Variants in MEP1A observed in about 807,000 individuals in gnomAD.
MEP1A encodes the protein N-benzoyl-L-tyrosyl-P-amino-benzoic acid hydrolase subunit alpha.
MEP1A carries 68 observed loss-of-function variants against 84.5 expected under a neutral mutation model. That is an observed-to-expected ratio of 0.80 (90% CI 0.66 to 0.98). MEP1A has a LOEUF of 0.98. Ranked by LOEUF, MEP1A falls within the 50% of genes least tolerant of loss-of-function variation. MEP1A has a pLI of 0.00. For missense variants in MEP1A, 887 were observed against 919.9 expected (o/e 0.96, Z 0.46); for synonymous variants, 337 against 336.8 (o/e 1.00, Z -0.01).
intron 6 of MEP1A, among the ~76,000 whole-genome samples, chr6:46,816,438 G>C (rs1448094240): frequency 6.6e-6 from 1 of 152,084 alleles, no homozygotes; most frequent in Non-Finnish European, 1.5e-5. Context: ...CTGGGTTGCA[G>C]CAGGGCAAGA....
chr6:46,819,016 G>T (rs1767704583), intron 6 of MEP1A, among the ~76,000 whole-genome samples: 1 of 151,018 alleles, frequency 6.6e-6, no homozygotes, highest in Non-Finnish European at 1.5e-5. Context: ...CTCTCAGGAG[G>T]CTGAGGTGGG....
intron 6 of MEP1A, among the ~76,000 whole-genome samples, chr6:46,811,572 A>G (rs1767499168): frequency 6.6e-6 from 1 of 152,028 alleles, no homozygotes; most frequent in Non-Finnish European, 1.5e-5. Flanking sequence ...AAATGCTTTC[A>G]ACTTTTTATC....
intron 3 of MEP1A, among the ~76,000 whole-genome samples, chr6:46,796,407 C>T (rs1051378677): frequency 1.3e-5 from 2 of 151,940 alleles, no homozygotes; most frequent in Non-Finnish European, 2.9e-5. Context: ...TGCCTGACCA[C>T]TCTTTAATAA....
At chr6:46,838,382 G>C (rs1465196940) in intron 13 of MEP1A, among the ~76,000 whole-genome samples, 7 of 152,142 alleles carry the variant, frequency 4.6e-5, no homozygotes, top group African/African-American at 1.7e-4. Flanking sequence ...AAAACTAAGG[G>C]CTGGCCATTA....
At chr6:46,837,895 A>ATT (rs111794847) in intron 13 of MEP1A, among the ~76,000 whole-genome samples, 34 of 143,644 alleles carry the variant, frequency 2.4e-4, no homozygotes, top group African/African-American at 5.3e-4. Flanking sequence ...CTGACTTCTT[A>ATT]TTTTTTTTTT....
At chr6:46,807,827 GAAA>G (rs1562107135) in intron 5 of MEP1A, among the ~76,000 whole-genome samples, 42 of 150,078 alleles carry the variant, frequency 2.8e-4, no homozygotes, top group African/African-American at 7.0e-4. Context: ...AAGAAAGAAA[GAAA>G]GAAAGAAAGG....
intron 10 of MEP1A, among the ~76,000 whole-genome samples, chr6:46,831,618 G>A (rs1319898486): frequency 6.6e-6 from 1 of 152,116 alleles, no homozygotes; most frequent in Non-Finnish European, 1.5e-5. Flanking sequence ...CCTTCCCAGT[G>A]CCAGATTCCC....
chr6:46,835,368 T>G lies in MEP1A; in HGVS notation c.1903T>G (p.Leu635Val), dbSNP rs1768193677. The change falls in exon 13 of 14, where the codon TTA becomes GTA. Residue 635 changes from leucine to valine, a missense_variant. Physicochemically the swap from Leu to Val is conservative, Grantham distance 32 (BLOSUM62 1). Coordinates refer to ENST00000230588, the MANE Select transcript of MEP1A (RefSeq NM_005588.3). ...CGAAGAAGGTTCGGGAAAGGCCATGTTAGAGGAAGCCCTACCTGTCAGCCT... is the reference window on the plus strand; with the variant it reads ...CGAAGAAGGTTCGGGAAAGGCCATGGTAGAGGAAGCCCTACCTGTCAGCCT... ...VSEEGSGKAM[L>V]EEALPVSLSQ... The G allele has an allele frequency of 6.2e-7, 1 of 1,611,812 alleles. No homozygotes were observed. Among genetic ancestry groups the G allele is most frequent in the Non-Finnish European group, 8.5e-7 (1 of 1,179,060 alleles).
rs1198868870 is a variant in MEP1A, at chr6:46,807,576, G to A, written c.263-1844G>A. Among the ~76,000 whole-genome samples the A allele has an allele frequency of 1.9e-3, 122 of 64,602 alleles. 2 individuals are homozygous for A. The highest frequency in any genetic ancestry group is 9.1e-3 in the African/African-American group (121 of 13,324). The allele number at this position is 64,602 out of a possible 152,430, so 42.4% of individuals were successfully genotyped here. On this transcript the variant is annotated intron_variant, in intron 5 of 13. Coordinates refer to ENST00000230588, the MANE Select transcript of MEP1A (RefSeq NM_005588.3). ...AGAAAGAAAGAAAGAAAGGAAGGAA[G>A]GAAGGAAGGAAGGAAGGAAGGAAGG...
At chr6:46,837,979 C>T (rs1362596491) in intron 13 of MEP1A, among the ~76,000 whole-genome samples, 1 of 151,632 alleles carries the variant, frequency 6.6e-6, no homozygotes, top group Non-Finnish European at 1.5e-5. Context: ...GCAACTTCCA[C>T]CCCCCGGGTT....
downstream of MEP1A, among the ~76,000 whole-genome samples, chr6:46,841,406 C>G (rs115061360): frequency 0.01 from 1,540 of 152,206 alleles, 30 homozygotes; most frequent in African/African-American, 0.035. Flanking sequence ...TCTTTGAGCC[C>G]AAACCCTCAA....
intron 5 of MEP1A, among the ~76,000 whole-genome samples, chr6:46,806,950 C>G (rs970401135): frequency 6.6e-6 from 1 of 151,858 alleles, no homozygotes; most frequent in African/African-American, 2.4e-5. Flanking sequence ...CAGTTTCTGC[C>G]TGTTTTAGCC....
At chr6:46,800,116 T>C (rs898172927) in intron 5 of MEP1A, among the ~76,000 whole-genome samples, 1 of 152,226 alleles carries the variant, frequency 6.6e-6, no homozygotes, top group African/African-American at 2.4e-5. Context: ...TTCTCCAGTG[T>C]TTGCCTTGCA....
At chr6:46,845,821 T>C in the MEP1A span, among the ~76,000 whole-genome samples, 1 of 152,222 alleles carries the variant, frequency 6.6e-6, no homozygotes, top group Middle Eastern at 3.2e-3. Context: ...TCCCATTATA[T>C]GGTAAGTGCC....
intron 5 of MEP1A, among the ~76,000 whole-genome samples, chr6:46,803,005 T>C (rs1254432915): frequency 6.6e-6 from 1 of 151,742 alleles, no homozygotes; most frequent in Non-Finnish European, 1.5e-5. Context: ...TAGGCTTTAG[T>C]AATAAAGTTA....
rs771765128 is a variant in MEP1A at position 46,819,606 on chromosome 6, T to A, written c.458T>A (p.Ile153Lys). 5 of 1,614,150 alleles carry A rather than the reference T, an allele frequency of 3.1e-6. No homozygotes were observed. Among genetic ancestry groups the A allele is most frequent in the Non-Finnish European group, 4.2e-6 (5 of 1,179,992 alleles). The change falls in exon 7 of 14, where the codon ATA becomes AAA. Residue 153 changes from isoleucine (I) to lysine (K), a missense_variant. Physicochemically the swap from Ile to Lys is moderately radical, Grantham distance 102. Coordinates refer to ENST00000230588, the MANE Select transcript of MEP1A (RefSeq NM_005588.3). ...CAAGGATGTGCCTATAAGGCCATCA[T>A]AGAACACGAGATCCTGCATGCTTTG... ...IGQGCAYKAIIEHEILHALGF... is the reference protein window; with the variant it reads ...IGQGCAYKAIKEHEILHALGF...
At chr6:46,830,156 A>C (rs1324910007) in intron 10 of MEP1A, among the ~76,000 whole-genome samples, 4 of 148,020 alleles carry the variant, frequency 2.7e-5, no homozygotes, top group African/African-American at 5.0e-5. Flanking sequence ...AGGTTGAGGC[A>C]GGAGAATTGC....
At chr6:46,827,313 G>A (rs940525058) in intron 9 of MEP1A, among the ~76,000 whole-genome samples, 2 of 152,174 alleles carry the variant, frequency 1.3e-5, no homozygotes, top group Admixed American at 6.5e-5. Flanking sequence ...ACTTCACAAT[G>A]ACAATGGAAG....
In MEP1A at chr6:46,829,476, T is replaced by C; in HGVS notation, c.1049T>C (p.Met350Thr). The C allele has an allele frequency of 6.2e-7, 1 of 1,614,180 alleles. No homozygotes were observed. Among genetic ancestry groups the C allele is most frequent in the Non-Finnish European group, 8.5e-7 (1 of 1,180,020 alleles). ...CAGTGCCTGCAATTTTTCTATAAAA[T>C]GACGGGAAGTCCTTCAGACAGACTC... ...KQQCLQFFYK[M>T]TGSPSDRLVV... The change falls in exon 10 of 14, where the codon ATG becomes ACG. Residue 350 changes from methionine (M) to threonine (T), a missense_variant. By Grantham distance (81) the Met-to-Thr change is moderately conservative. Coordinates refer to ENST00000230588, the MANE Select transcript of MEP1A (RefSeq NM_005588.3).
Sources: gnomAD v4.1 joint callset for allele counts (sites outside exome capture counted in the v4.1 genomes callset) on GRCh38, gnomAD v4.1.1 for gene constraint, MANE v1.5 for transcripts, NCBI Gene and HGNC (gene_info 2026-07-23, HGNC 2026-07-21) for gene names.